Variants in SYNE2 observed in about 807,000 individuals in gnomAD.
The protein encoded by SYNE2 is nesprin-2.
In SYNE2, 431 loss-of-function variants were observed where a neutral mutation model predicts 856.3. That is an observed-to-expected ratio of 0.50 (90% CI 0.47 to 0.55). The LOEUF is 0.55. Ranked by LOEUF, SYNE2 falls within the 20% of genes least tolerant of loss-of-function variation. The pLI is 0.00. For missense variants in SYNE2, 8,129 were observed against 8,023.2 expected (o/e 1.01, Z -0.50); for synonymous variants, 2,923 against 2,872.3 (o/e 1.02, Z -0.56).
rs768232789 is a variant in SYNE2, at chr14:64,223,207, G to A, written c.20209G>A (p.Val6737Ile). 3 of 1,613,936 alleles carry A rather than the reference G, an allele frequency of 1.9e-6. No homozygotes were observed. Among genetic ancestry groups the A allele is most frequent in the East Asian group, 2.2e-5 (1 of 44,882 alleles). Residue 6737 changes from valine (V) to isoleucine (I), a missense_variant, in exon 113 of 116, where the codon GTA becomes ATA. Val to Ile is a conservative substitution (Grantham distance 29, BLOSUM62 3). Transcript: ENST00000555002. ...RELMQLEKEL[V>I]ERQPQVDMLQ... ...TTTTCAGCAACTGGAAAAGGAGCTG[G>A]TAGAACGTCAACCTCAAGTGGACAT...
intron 50 of SYNE2, among the ~76,000 whole-genome samples, chr14:64,064,252 A>G (rs928836439): frequency 5.3e-5 from 8 of 152,334 alleles, no homozygotes; most frequent in Admixed American, 5.2e-4. Flanking sequence ...TCTGATCACC[A>G]AGAAGGCTAC....
chr14:63,947,253 C>T (rs2096050225), intron 6 of SYNE2, among the ~76,000 whole-genome samples: 1 of 152,072 alleles, frequency 6.6e-6, no homozygotes, highest in Non-Finnish European at 1.5e-5. Context: ...TGGAACTGTT[C>T]CATAGCTACA....
At chr14:64,080,062 T>TGCGC (rs1210636379) in intron 55 of SYNE2, among the ~76,000 whole-genome samples, 2 of 151,872 alleles carry the variant, frequency 1.3e-5, no homozygotes, top group East Asian at 3.8e-4. Flanking sequence ...TGTGTGTGTG[T>TGCGC]GTGCGCGTGC....
At chr14:63,829,381 C>T (rs1889583392) in intron 1 of SYNE2, among the ~76,000 whole-genome samples, 1 of 151,934 alleles carries the variant, frequency 6.6e-6, no homozygotes, top group South Asian at 2.1e-4. Flanking sequence ...CATGTCACTG[C>T]ACTCCAGCCT....
At chr14:64,188,430 A>G in intron 97 of SYNE2, 120 bp from the exon 98 acceptor site, 1 of 1,129,830 alleles carries the variant, frequency 8.9e-7, no homozygotes, top group Non-Finnish European at 1.3e-6. Context: ...GCAAAACCAG[A>G]CAAGGTTGAG....
chr14:63,974,892 G>GTGTGTATATATATA (rs1375697679), intron 11 of SYNE2, among the ~76,000 whole-genome samples: 12 of 67,316 alleles, frequency 1.8e-4, no homozygotes, highest in African/African-American at 4.0e-4. Context: ...GTGTGTGTGT[G>GTGTGTATATATATA]TATATATATA....
intron 13 of SYNE2, 112 bp downstream of exon 13, chr14:63,978,129 C>A: frequency 1.3e-6 from 1 of 767,096 alleles, no homozygotes; most frequent in Non-Finnish European, 2.3e-6. Flanking sequence ...CAAGTATTCT[C>A]CTTTAAATCT....
At chr14:63,931,386 CTAAAAA>C (rs2095752461) in intron 2 of SYNE2, among the ~76,000 whole-genome samples, 1 of 151,806 alleles carries the variant, frequency 6.6e-6, no homozygotes, top group Non-Finnish European at 1.5e-5. Context: ...CCCGTCTGTA[CTAAAAA>C]TACAAAAATT....
chr14:64,021,601 T>C (rs1320055831), intron 36 of SYNE2, 86 bp downstream of exon 36: 2 of 1,518,558 alleles, frequency 1.3e-6, no homozygotes, highest in African/African-American at 2.8e-5. Context: ...TTAATAAAAA[T>C]AGAAAAAAAA....
intron 1 of SYNE2, among the ~76,000 whole-genome samples, chr14:63,875,448 C>A (rs78818389): frequency 6.6e-6 from 1 of 152,192 alleles, no homozygotes; most frequent in Non-Finnish European, 1.5e-5. Flanking sequence ...ATAACAATGA[C>A]AACATTTTAG....
intron 2 of SYNE2, among the ~76,000 whole-genome samples, chr14:63,929,058 C>G (rs2095709924): frequency 1.3e-5 from 2 of 152,110 alleles, no homozygotes; most frequent in Non-Finnish European, 2.9e-5. Flanking sequence ...GTTCCTGACA[C>G]AGAGCTCCGA....
At chr14:64,075,355 C>T (rs1239612596) in intron 53 of SYNE2, among the ~76,000 whole-genome samples, 1 of 152,182 alleles carries the variant, frequency 6.6e-6, no homozygotes, top group Non-Finnish European at 1.5e-5. Flanking sequence ...GGTTTCTAGG[C>T]CACAACCAAT....
chr14:63,963,175 G>A (rs2096344610), intron 9 of SYNE2, among the ~76,000 whole-genome samples: 1 of 152,052 alleles, frequency 6.6e-6, no homozygotes, highest in Non-Finnish European at 1.5e-5. Context: ...TGAGATGCAG[G>A]CTTATAATTC....
chr14:63,841,175 C>A (rs1299408112), intron 1 of SYNE2, among the ~76,000 whole-genome samples: 1 of 152,148 alleles, frequency 6.6e-6, no homozygotes. Flanking sequence ...TACTCCACAG[C>A]TGAAACCTCT....
chr14:63,834,155 T>A (rs969031682), intron 1 of SYNE2, among the ~76,000 whole-genome samples: 1 of 152,202 alleles, frequency 6.6e-6, no homozygotes, highest in African/African-American at 2.4e-5. Flanking sequence ...TTTCTTAATT[T>A]AATATGTTCA....
At chr14:64,036,920 T>C (rs979411091) in intron 45 of SYNE2, among the ~76,000 whole-genome samples, 17 of 152,110 alleles carry the variant, frequency 1.1e-4, no homozygotes, top group Non-Finnish European at 2.2e-4. Context: ...TACACATTAA[T>C]CAACTAATTA....
chr14:63,888,061 G>T (rs1446037115), intron 1 of SYNE2, among the ~76,000 whole-genome samples: 2 of 152,186 alleles, frequency 1.3e-5, no homozygotes, highest in East Asian at 1.9e-4. Flanking sequence ...CCGAGTCTTG[G>T]TTTTTATAGT....
chr14:64,183,351 G>A (rs2098470768), intron 96 of SYNE2, among the ~76,000 whole-genome samples: 1 of 150,490 alleles, frequency 6.6e-6, no homozygotes, highest in African/African-American at 2.4e-5. Context: ...CCACATCTCA[G>A]ACGATGGGCG....
chr14:63,977,161 A>G (rs2096549952), intron 12 of SYNE2, among the ~76,000 whole-genome samples: 1 of 152,182 alleles, frequency 6.6e-6, no homozygotes. Context: ...TGGTTTTACT[A>G]AAGAAACTAC....
Sources: gnomAD v4.1 joint callset for allele counts (sites outside exome capture counted in the v4.1 genomes callset) on GRCh38, gnomAD v4.1.1 for gene constraint, MANE v1.5 for transcripts, NCBI Gene and HGNC (gene_info 2026-07-23, HGNC 2026-07-21) for gene names.